The following CAMK1D variants were observed in gnomAD, a reference collection of about 807,000 sequenced individuals.
CAMK1D encodes calcium/calmodulin dependent protein kinase ID.
CAMK1D carries 9 observed loss-of-function variants against 47.7 expected under a neutral mutation model. The observed-to-expected ratio is 0.19, with a 90% CI of 0.11 to 0.33. CAMK1D has a LOEUF of 0.33. Ranked by LOEUF, CAMK1D falls within the 10% of genes least tolerant of loss-of-function variation. The probability of loss-of-function intolerance (pLI) is 1.00; values close to 1 mark genes in which losing one functional copy is unlikely to be tolerated. For synonymous variants in CAMK1D, 184 were observed against 184.9 expected, an observed-to-expected ratio of 0.99 and a Z score of 0.04; for missense variants, 291 against 488.7, an observed-to-expected ratio of 0.60 and a Z score of 3.81.
intron 1 of CAMK1D, among the ~76,000 whole-genome samples, chr10:12,384,858 A>C (rs1838443549): frequency 6.6e-6 from 1 of 152,246 alleles, no homozygotes; most frequent in South Asian, 2.1e-4. Context: ...GACACCTCAC[A>C]GAGTGGGAAA....
At chr10:12,515,242 C>G (rs1363751063) in intron 1 of CAMK1D, among the ~76,000 whole-genome samples, 1 of 151,966 alleles carries the variant, frequency 6.6e-6, no homozygotes, top group Non-Finnish European at 1.5e-5. Context: ...AATTCTGACA[C>G]AGGCATAGAA....
At chr10:12,424,320 A>G (rs1396196112) in intron 1 of CAMK1D, among the ~76,000 whole-genome samples, 1 of 151,640 alleles carries the variant, frequency 6.6e-6, no homozygotes, top group East Asian at 1.9e-4. Context: ...CTTGTCACCC[A>G]AGATGGACGT....
chr10:12,452,620 C>T (rs1833118295), intron 1 of CAMK1D, among the ~76,000 whole-genome samples: 1 of 151,898 alleles, frequency 6.6e-6, no homozygotes, highest in Non-Finnish European at 1.5e-5. Context: ...GAGTCTCACT[C>T]TGTCGCCCAG....
chr10:12,406,541 TACAAAAA>T (rs1176553647), intron 1 of CAMK1D, among the ~76,000 whole-genome samples: 6 of 151,152 alleles, frequency 4.0e-5, no homozygotes, highest in South Asian at 2.1e-4. Flanking sequence ...ACCCTGTCTC[TACAAAAA>T]ACAAAAAACA....
At chr10:12,422,083 A>T (rs1236723741) in intron 1 of CAMK1D, among the ~76,000 whole-genome samples, 2 of 151,564 alleles carry the variant, frequency 1.3e-5, no homozygotes, top group Admixed American at 1.3e-4. Flanking sequence ...TGCTGGGATT[A>T]CAGGTGTGAG....
At chr10:12,635,257 G>A (rs1364086233) in intron 2 of CAMK1D, among the ~76,000 whole-genome samples, 8 of 152,182 alleles carry the variant, frequency 5.3e-5, no homozygotes, top group Non-Finnish European at 8.8e-5. Context: ...GAATCCGGTT[G>A]TGTTGGATGG....
At chr10:12,595,550 T>C (rs1838123618) in intron 2 of CAMK1D, among the ~76,000 whole-genome samples, 1 of 152,006 alleles carries the variant, frequency 6.6e-6, no homozygotes, top group Non-Finnish European at 1.5e-5. Flanking sequence ...CAGGCCCATC[T>C]TGAATGTCTT....
intron 2 of CAMK1D, among the ~76,000 whole-genome samples, chr10:12,603,190 C>T (rs539708254): frequency 5.9e-4 from 90 of 152,142 alleles, no homozygotes; most frequent in African/African-American, 2.1e-3. Flanking sequence ...CATGAGCCAC[C>T]GCGCCTGGCC....
chr10:12,812,874 G>A (rs867652450), intron 6 of CAMK1D, among the ~76,000 whole-genome samples: 3 of 152,092 alleles, frequency 2.0e-5, no homozygotes, highest in South Asian at 2.1e-4. Flanking sequence ...ATAGAGCCAC[G>A]GTATCTTAAA....
intron 3 of CAMK1D, among the ~76,000 whole-genome samples, chr10:12,721,606 TC>T (rs1834381577): frequency 6.6e-6 from 1 of 152,210 alleles, no homozygotes; most frequent in South Asian, 2.1e-4. Context: ...TTTGTAGGCA[TC>T]AGGAATATAG....
intron 1 of CAMK1D, among the ~76,000 whole-genome samples, chr10:12,478,790 A>C (rs1482866572): frequency 6.6e-6 from 1 of 151,870 alleles, no homozygotes; most frequent in South Asian, 2.1e-4. Context: ...CCTCTCTCTC[A>C]TGCTCTCCTT....
At chr10:12,797,925 T>C (rs1838262451) in intron 6 of CAMK1D, among the ~76,000 whole-genome samples, 1 of 151,972 alleles carries the variant, frequency 6.6e-6, no homozygotes, top group South Asian at 2.1e-4. Context: ...GTACAGGAGG[T>C]ACACAACAGT....
chr10:12,706,330 C>T lies in CAMK1D; in HGVS notation c.299+39520C>T, dbSNP rs548504049. On this transcript the variant is annotated intron_variant, in intron 3 of 10. Transcript: ENST00000619168. The stretch of plus-strand genomic sequence containing the variant: ...TTTAATATTTTCAGACCGCAGTTGA[C>T]GGCAGGTAACTGAAACTGAGGCTAA... 3.0e-4 allele frequency among the ~76,000 whole-genome samples: 45 copies of T among 152,276 alleles called. No homozygotes were observed. The South Asian group carries it at 3.1e-3, about 11-fold the overall frequency.
chr10:12,523,617 C>T (rs538449783), intron 1 of CAMK1D, among the ~76,000 whole-genome samples: 6 of 152,322 alleles, frequency 3.9e-5, no homozygotes, highest in South Asian at 4.1e-4. Flanking sequence ...TGGCGGATCA[C>T]GCCTGCAATC....
intron 4 of CAMK1D, 61 bp from the exon 5 acceptor site, chr10:12,769,612 T>G: frequency 6.3e-7 from 1 of 1,584,722 alleles, no homozygotes; most frequent in Non-Finnish European, 8.6e-7. Flanking sequence ...TGAATGAGTC[T>G]TCCACAATTA....
intron 10 of CAMK1D, 71 bp downstream of exon 10, chr10:12,825,761 C>T (rs373412133): frequency 3.4e-5 from 55 of 1,608,386 alleles, no homozygotes; most frequent in Admixed American, 1.2e-4. Context: ...AGGAGGGAGC[C>T]GGCATCTGCC....
intron 1 of CAMK1D, among the ~76,000 whole-genome samples, chr10:12,421,687 G>A (rs1340212063): frequency 6.6e-6 from 1 of 151,378 alleles, no homozygotes; most frequent in Admixed American, 6.6e-5. Context: ...CACCATGCCT[G>A]GCTAATTTTT....
intron 1 of CAMK1D, among the ~76,000 whole-genome samples, chr10:12,490,403 G>A (rs1174952919): frequency 1.3e-5 from 2 of 152,124 alleles, no homozygotes; most frequent in Admixed American, 6.6e-5. Context: ...CCAGCTTAAT[G>A]GGAAGACAGG....
chr10:12,680,676 AG>A (rs150853167), intron 3 of CAMK1D, among the ~76,000 whole-genome samples: 2,402 of 152,088 alleles, frequency 0.016, 74 homozygotes, highest in African/African-American at 0.055. Context: ...GAAGAAGGGG[AG>A]TGGCTGGGAT....
Sources: gnomAD v4.1 joint callset for allele counts (sites outside exome capture counted in the v4.1 genomes callset) on GRCh38, gnomAD v4.1.1 for gene constraint, MANE v1.5 for transcripts, NCBI Gene and HGNC (gene_info 2026-07-23, HGNC 2026-07-21) for gene names.